MKLN1: variants seen among roughly 807,000 people sequenced by gnomAD.
MKLN1 encodes muskelin 1, also known as muskelin.
Under a neutral mutation model 99.0 loss-of-function variants are expected in MKLN1, and 18 were observed. The ratio of observed to expected loss-of-function variants is 0.18; its 90% CI spans 0.13 to 0.27. MKLN1 has a LOEUF of 0.27. Among genes scored for constraint, MKLN1 ranks in the 10% least tolerant of loss-of-function variants. The pLI, the probability that MKLN1 is intolerant of heterozygous loss-of-function variation, is 1.00. For synonymous variants in MKLN1, 288 were observed against 293.2 expected, an observed-to-expected ratio of 0.98 and a Z score of 0.18; for missense variants, 621 against 875.9, an observed-to-expected ratio of 0.71 and a Z score of 3.67.
intron 2 of MKLN1, among the ~76,000 whole-genome samples, chr7:131,164,374 CA>C (rs764788353): frequency 3.2e-4 from 49 of 152,304 alleles, no homozygotes; most frequent in Non-Finnish European, 6.2e-4. Context: ...CTTGGCCTCC[CA>C]AAGTACTAGG....
At chr7:131,228,977 G>A (rs1563259819) in intron 3 of MKLN1, among the ~76,000 whole-genome samples, 1 of 152,188 alleles carries the variant, frequency 6.6e-6, no homozygotes, top group African/African-American at 2.4e-5. Flanking sequence ...TATTGAGTAA[G>A]TGGTCCTAAG....
chr7:131,339,614 G>A (rs571393513), intron 1 of MKLN1, among the ~76,000 whole-genome samples: 73 of 151,934 alleles, frequency 4.8e-4, no homozygotes, highest in African/African-American at 1.6e-3. Context: ...CACGAGAATT[G>A]CTTGAATCCA....
chr7:131,478,154 A>C (rs904869465), intron 16 of MKLN1, among the ~76,000 whole-genome samples: 2 of 152,222 alleles, frequency 1.3e-5, no homozygotes, highest in Non-Finnish European at 2.9e-5. Flanking sequence ...GGAATGGTCT[A>C]TACATGCTTT....
chr7:131,416,087 T>C lies in MKLN1; in HGVS notation c.847+1377T>C, dbSNP rs977090690. Among the ~76,000 whole-genome samples the C allele has an allele frequency of 5.3e-5, 8 of 152,190 alleles. No individual in the cohort carries two copies. The South Asian group carries it at 1.7e-3, about 32-fold the overall frequency. On this transcript the variant is annotated intron_variant, in intron 8 of 17. Transcript: ENST00000352689. ...CTTGTATTACAGGTGTGAGCTACCATGTCCGGCCCACCCTTTCAAACAAAT... is the reference window on the plus strand; with the variant it reads ...CTTGTATTACAGGTGTGAGCTACCACGTCCGGCCCACCCTTTCAAACAAAT...
chr7:131,306,862 C>A (rs1466173620), intron 3 of MKLN1, among the ~76,000 whole-genome samples: 2 of 152,160 alleles, frequency 1.3e-5, no homozygotes, highest in Non-Finnish European at 2.9e-5. Context: ...AAAGAAGAAC[C>A]AAATGTTAAT....
intron 3 of MKLN1, among the ~76,000 whole-genome samples, chr7:131,222,021 T>A (rs1467736313): frequency 6.6e-6 from 1 of 152,096 alleles, no homozygotes; most frequent in Non-Finnish European, 1.5e-5. Context: ...TTTTCCTACC[T>A]TAGCCTCTTG....
At chr7:131,227,026 A>C (rs1374672011) in intron 3 of MKLN1, among the ~76,000 whole-genome samples, 1 of 152,192 alleles carries the variant, frequency 6.6e-6, no homozygotes, top group African/African-American at 2.4e-5. Flanking sequence ...TCCCCATTTC[A>C]TGCTCAGACT....
intron 2 of MKLN1, among the ~76,000 whole-genome samples, chr7:131,189,753 C>T (rs1271666059): frequency 2.0e-5 from 3 of 152,100 alleles, no homozygotes; most frequent in Non-Finnish European, 4.4e-5. Flanking sequence ...AACTATTAGA[C>T]GCCCGTTGAC....
chr7:131,355,627 A>ATTATATATATAT (rs1799849618), intron 1 of MKLN1, among the ~76,000 whole-genome samples: 1 of 83,158 alleles, frequency 1.2e-5, no homozygotes, highest in African/African-American at 5.3e-5. Context: ...TTAACTTGAT[A>ATTATATATATAT]CTATATATAT....
chr7:131,470,390 A>G (rs1241466200), intron 15 of MKLN1, among the ~76,000 whole-genome samples: 1 of 152,178 alleles, frequency 6.6e-6, no homozygotes. Context: ...TACCCTGCTT[A>G]TTTCAGTTTC....
intron 12 of MKLN1, among the ~76,000 whole-genome samples, chr7:131,447,447 C>T (rs2116528706): frequency 6.6e-6 from 1 of 152,176 alleles, no homozygotes; most frequent in Middle Eastern, 3.4e-3. Context: ...TGTCTTTAAT[C>T]CCAGCACTTT....
At chr7:131,410,262 G>C (rs1794836896) in intron 6 of MKLN1, among the ~76,000 whole-genome samples, 1 of 152,162 alleles carries the variant, frequency 6.6e-6, no homozygotes, top group East Asian at 1.9e-4. Flanking sequence ...TAGAACTTTA[G>C]TACCAGCCCC....
At chr7:131,390,587 G>A (rs1794171752) in intron 4 of MKLN1, among the ~76,000 whole-genome samples, 1 of 151,748 alleles carries the variant, frequency 6.6e-6, no homozygotes, top group African/African-American at 2.4e-5. Context: ...TATATTTATG[G>A]TTTACAATGT....
intron 3 of MKLN1, among the ~76,000 whole-genome samples, chr7:131,249,250 CA>C (rs1041691476): frequency 6.6e-6 from 1 of 152,198 alleles, no homozygotes; most frequent in African/African-American, 2.4e-5. Context: ...TGGTGACTAA[CA>C]AAATTGGGGC....
chr7:131,461,215 A>G lies in MKLN1; in HGVS notation c.1526-2002A>G, dbSNP rs575159755. Among the ~76,000 whole-genome samples the G allele has an allele frequency of 9.2e-5, 14 of 152,024 alleles. No homozygotes were observed. In the East Asian group the frequency reaches 2.3e-3, roughly 25 times the overall value. The stretch of plus-strand genomic sequence containing the variant: ...AAGAAAAAAAGTCTGTATGTCTTCA[A>G]TACAGATGCAACCATTTATGGGTTT... On this transcript the variant is annotated intron_variant, in intron 12 of 17. Coordinates refer to ENST00000352689, the MANE Select transcript of MKLN1 (RefSeq NM_013255.5).
At chr7:131,300,082 A>G (rs1798353395) in intron 3 of MKLN1, among the ~76,000 whole-genome samples, 2 of 152,148 alleles carry the variant, frequency 1.3e-5, no homozygotes, top group South Asian at 4.1e-4. Context: ...GCTTCATATT[A>G]TAGTCAATTA....
At chr7:131,463,455 G>A (rs1315568389) in intron 13 of MKLN1, 91 bp downstream of exon 13, 16 of 1,290,674 alleles carry the variant, frequency 1.2e-5, no homozygotes, top group African/African-American at 3.0e-5. Flanking sequence ...AGAGTATTAC[G>A]TTAATTTGTG....
intron 3 of MKLN1, among the ~76,000 whole-genome samples, chr7:131,213,147 A>G (rs764731397): frequency 3.9e-5 from 6 of 152,006 alleles, no homozygotes; most frequent in Admixed American, 6.6e-5. Context: ...TATATTATAC[A>G]TATATATACA....
intron 2 of MKLN1, among the ~76,000 whole-genome samples, chr7:131,380,809 A>G (rs1793823534): frequency 1.3e-5 from 2 of 152,176 alleles, no homozygotes. Flanking sequence ...ATTAGGATAC[A>G]TGTAGTAGCT....
Sources: gnomAD v4.1 joint callset for allele counts (sites outside exome capture counted in the v4.1 genomes callset) on GRCh38, gnomAD v4.1.1 for gene constraint, MANE v1.5 for transcripts, NCBI Gene and HGNC (gene_info 2026-07-23, HGNC 2026-07-21) for gene names.